NT5DC3: variants seen among roughly 807,000 people sequenced by gnomAD.
The protein encoded by NT5DC3 is 5'-nucleotidase domain-containing protein 3.
In NT5DC3, 42 loss-of-function variants were observed where a neutral mutation model predicts 67.8. That is an observed-to-expected ratio of 0.62 (90% CI 0.48 to 0.80). The LOEUF is 0.80. NT5DC3 is among the 30% of genes least tolerant of loss of function. The probability of loss-of-function intolerance (pLI) is 0.00; values close to 1 mark genes in which losing one functional copy is unlikely to be tolerated. For missense variants in NT5DC3, 570 were observed against 696.4 expected, an observed-to-expected ratio of 0.82 and a Z score of 2.04; for synonymous variants, 237 against 255.6, an observed-to-expected ratio of 0.93 and a Z score of 0.69.
chr12:103,834,559 G>A (rs1034810675), intron 1 of NT5DC3, among the ~76,000 whole-genome samples: 7 of 152,154 alleles, frequency 4.6e-5, no homozygotes, highest in Non-Finnish European at 8.8e-5. Flanking sequence ...AGTAAACAAT[G>A]AATAATGTAT....
intron 1 of NT5DC3, among the ~76,000 whole-genome samples, chr12:103,818,488 G>A (rs1183625952): frequency 6.7e-6 from 1 of 149,530 alleles, no homozygotes; most frequent in African/African-American, 2.4e-5. Flanking sequence ...CAATTCTCCT[G>A]CCTCTGCCTC....
At chr12:103,820,621 A>C (rs141828974) in intron 1 of NT5DC3, among the ~76,000 whole-genome samples, 43 of 152,310 alleles carry the variant, frequency 2.8e-4, no homozygotes, top group Non-Finnish European at 6.0e-4. Flanking sequence ...GAGCTGTCAC[A>C]GAGCAGTGTG....
chr12:103,808,635 G>C (rs1404576893), intron 2 of NT5DC3, among the ~76,000 whole-genome samples: 1 of 152,182 alleles, frequency 6.6e-6, no homozygotes, highest in East Asian at 1.9e-4. Context: ...TCACCAAACT[G>C]ACATTTCCAT....
chr12:103,783,657 C>G (rs1885648074), intron 12 of NT5DC3, among the ~76,000 whole-genome samples: 1 of 152,196 alleles, frequency 6.6e-6, no homozygotes, highest in Non-Finnish European at 1.5e-5. Context: ...CCTTTTCTTC[C>G]TTCCCTTACC....
chr12:103,748,971 T>A, the NT5DC3 span: 1 of 1,612,970 alleles, frequency 6.2e-7, no homozygotes, highest in East Asian at 2.2e-5. Context: ...AGTTGTGGAT[T>A]TCTGCAAACA....
At chr12:103,749,071 G>T in the NT5DC3 span, 1 of 1,614,164 alleles carries the variant, frequency 6.2e-7, no homozygotes, top group Non-Finnish European at 8.5e-7. Flanking sequence ...AAAGGGGACG[G>T]GCACAGCTGC....
At position 103,794,151 on chromosome 12, in the gene NT5DC3, C is replaced by CT. The variant is rs796470465; in HGVS notation, c.754-155dup. 5.5e-3 allele frequency among the ~76,000 whole-genome samples: 769 copies of CT among 140,004 alleles called. 5 individuals carry two copies. The highest frequency in any genetic ancestry group is 0.011 in the Middle Eastern group (3 of 268). The allele number at this position is 140,004 out of a possible 152,430, so 91.8% of individuals were successfully genotyped here. A position where few individuals can be genotyped will look rare whatever the true frequency, so the allele number is the denominator to read the frequency against. On this transcript the variant is annotated intron_variant, in intron 6 of 13. Transcript: ENST00000392876. ...CTAAATTCTGGTCCATTTTCTTCTT[C>CT]TTTTTTTTTTTTTTTTGAGACAGAG...
chr12:103,770,213 TTAAAGC>T (rs1438966404), downstream of NT5DC3, among the ~76,000 whole-genome samples: 1 of 152,250 alleles, frequency 6.6e-6, no homozygotes, highest in Non-Finnish European at 1.5e-5. Context: ...GATTTGCCTT[TTAAAGC>T]TATACATGTA....
chr12:103,836,223 A>C (rs1427289583), intron 1 of NT5DC3, among the ~76,000 whole-genome samples: 1 of 152,086 alleles, frequency 6.6e-6, no homozygotes, highest in Non-Finnish European at 1.5e-5. Context: ...AAAACCAATC[A>C]TGCCTTCCCA....
At chr12:103,793,818 C>A (rs1049617342) in intron 7 of NT5DC3, 119 bp downstream of exon 7, 17 of 781,926 alleles carry the variant, frequency 2.2e-5, no homozygotes, top group African/African-American at 5.2e-5. Context: ...GATGCCAGGT[C>A]CTTACAGAGC....
chr12:103,756,683 G>A, the NT5DC3 span, among the ~76,000 whole-genome samples: 11 of 152,086 alleles, frequency 7.2e-5, no homozygotes, highest in African/African-American at 1.2e-4. Context: ...CCACTGTTCC[G>A]AGTAGAATCT....
chr12:103,837,547 T>C (rs1888203313), intron 1 of NT5DC3, among the ~76,000 whole-genome samples: 3 of 152,264 alleles, frequency 2.0e-5, no homozygotes, highest in Non-Finnish European at 4.4e-5. Context: ...AGTCACTTCT[T>C]GAATGCTTTG....
the NT5DC3 span, among the ~76,000 whole-genome samples, chr12:103,756,797 C>T: frequency 1.3e-5 from 2 of 151,954 alleles, no homozygotes; most frequent in Non-Finnish European, 2.9e-5. Flanking sequence ...TCTCTGTCCA[C>T]AGACCAAAGA....
the NT5DC3 span, chr12:103,761,171 G>T: frequency 1.3e-6 from 1 of 750,374 alleles, no homozygotes; most frequent in East Asian, 2.5e-5. Context: ...AGAAGTCCTG[G>T]GCTGCCTATC....
chr12:103,755,688 G>A, the NT5DC3 span: 10 of 1,614,042 alleles, frequency 6.2e-6, no homozygotes, highest in African/African-American at 1.2e-4. Context: ...AGGTCCTGAT[G>A]TCCTTCCCCT....
intron 1 of NT5DC3, among the ~76,000 whole-genome samples, chr12:103,834,852 G>A (rs1223611201): frequency 6.6e-6 from 1 of 152,148 alleles, no homozygotes; most frequent in African/African-American, 2.4e-5. Flanking sequence ...AACAGATCAA[G>A]TGGCCAGAAA....
At chr12:103,768,290 C>T (rs891523754), downstream of NT5DC3, among the ~76,000 whole-genome samples, 1 of 149,928 alleles carries the variant, frequency 6.7e-6, no homozygotes, top group African/African-American at 2.5e-5. Context: ...CAAAAATTAG[C>T]CTGGCGTGGT....
chr12:103,808,018 G>A (rs1240926810), intron 2 of NT5DC3, among the ~76,000 whole-genome samples: 1 of 152,148 alleles, frequency 6.6e-6, no homozygotes, highest in African/African-American at 2.4e-5. Context: ...AGTTCCCCGG[G>A]TATTTCCTAT....
At chr12:103,759,272 C>G in the NT5DC3 span, 44 of 1,613,924 alleles carry the variant, frequency 2.7e-5, no homozygotes, top group East Asian at 8.2e-4. Flanking sequence ...CCACTCCAAC[C>G]GGTACAAAGT....
Sources: allele counts gnomAD v4.1 joint callset (sites outside exome capture counted in the v4.1 genomes callset), GRCh38; gene constraint gnomAD v4.1.1; transcripts MANE v1.5; gene names NCBI Gene and HGNC (gene_info 2026-07-23, HGNC 2026-07-21).